GDF10: variants seen among roughly 807,000 people sequenced by gnomAD.
GDF10 encodes the protein growth/differentiation factor 10.
GDF10 carries 23 observed loss-of-function variants against 32.1 expected under a neutral mutation model. The ratio of observed to expected loss-of-function variants is 0.72; its 90% CI spans 0.52 to 1.02. The LOEUF (loss-of-function observed/expected upper bound fraction) is 1.02, where lower values mean the gene tolerates loss of function less well. Among genes scored for constraint, GDF10 ranks in the 50% least tolerant of loss-of-function variants. The pLI is 0.00. For missense variants in GDF10, 764 were observed against 673.9 expected (o/e 1.13, Z -1.48); for synonymous variants, 328 against 303.1 (o/e 1.08, Z -0.85).
At position 47,300,700 on chromosome 10, in the gene GDF10, C is replaced by CTGA; in HGVS notation, c.51_52insATG (p.Leu17_Leu18insMet). 5 of 1,595,356 alleles carry CTGA rather than the reference C, an allele frequency of 3.1e-6. No homozygotes were observed. The highest frequency in any genetic ancestry group is 4.3e-6 in the Non-Finnish European group (5 of 1,172,958). ...CAGCCCGGGACCCGGGCCCCAGCTG[C>CTGA]TGCTGCTGCTGCTGCCGTTGTTTCT... On this transcript the variant is annotated inframe_insertion, in exon 1 of 3. Coordinates refer to ENST00000580279, the MANE Select transcript of GDF10 (RefSeq NM_004962.5).
In GDF10 at chr10:47,312,541, T is replaced by C. The variant is rs556252309; in HGVS notation, c.1246-60T>C. ...ATGGCCTGGGACTGTGAGGATGGCA[T>C]GGGTGCGTGGGTGGGTGAGGGCGGA... On this transcript the variant is annotated intron_variant, in intron 2 of 2. Coordinates refer to ENST00000580279, the MANE Select transcript of GDF10 (RefSeq NM_004962.5). 40 of 1,055,472 alleles carry C rather than the reference T, an allele frequency of 3.8e-5. No individual in the cohort carries two copies. The African/African-American group carries it at 6.0e-4, about 16-fold the overall frequency. 65.4% of individuals were successfully genotyped at this position (1,055,472 alleles called of 1,614,324 possible). A position where few individuals can be genotyped will look rare whatever the true frequency, so the allele number is the denominator to read the frequency against.
intron 1 of GDF10, among the ~76,000 whole-genome samples, chr10:47,305,246 G>A (rs539598856): frequency 6.6e-6 from 1 of 152,316 alleles, no homozygotes; most frequent in South Asian, 2.1e-4. Flanking sequence ...GGCCATAACT[G>A]TTCTGAGCCC....
At chr10:47,300,994 C>G in intron 1 of GDF10, 24 bp downstream of exon 1, 2 of 1,396,804 alleles carry the variant, frequency 1.4e-6, no homozygotes, top group East Asian at 2.7e-5. Context: ...GCCCCAGGAC[C>G]CCTTCTCCTC....
chr10:47,310,594 C>T lies in GDF10; in HGVS notation c.1118C>T (p.Pro373Leu). 3.1e-6 allele frequency: 5 copies of T among 1,614,112 alleles called. No individual in the cohort carries two copies. The highest frequency in any genetic ancestry group is 4.2e-6 in the Non-Finnish European group (5 of 1,179,964). ...GCCCGGAGGAAGCAGTGGGATGAGCCGAGGGTGTGCTCCCGGAGGTACCTG... is the reference window on the plus strand; with the variant it reads ...GCCCGGAGGAAGCAGTGGGATGAGCTGAGGGTGTGCTCCCGGAGGTACCTG... ...QKARRKQWDE[P>L]RVCSRRYLKV... The change falls in exon 2 of 3, where the codon CCG becomes CTG. Residue 373 changes from proline (P) to leucine (L), a missense_variant. Physicochemically the swap from Pro to Leu is moderately conservative, Grantham distance 98. Transcript: ENST00000580279.
intron 2 of GDF10, among the ~76,000 whole-genome samples, chr10:47,310,955 G>A (rs1404936231): frequency 3.3e-5 from 5 of 152,212 alleles, no homozygotes; most frequent in Admixed American, 3.3e-4. Flanking sequence ...TGGCTTGGTT[G>A]AATTGGGACT....
intron 1 of GDF10, among the ~76,000 whole-genome samples, chr10:47,307,022 C>T (rs1408796216): frequency 1.3e-5 from 2 of 152,082 alleles, no homozygotes; most frequent in Non-Finnish European, 2.9e-5. Context: ...CCGGGGGCCT[C>T]GCTTGGACAG....
At chr10:47,311,088 A>G (rs1331619064) in intron 2 of GDF10, among the ~76,000 whole-genome samples, 4 of 152,208 alleles carry the variant, frequency 2.6e-5, no homozygotes, top group Non-Finnish European at 5.9e-5. Flanking sequence ...CAGGTCCCAG[A>G]AGCTCCCTCC....
rs782255447 is a variant in GDF10 at position 47,310,465 on chromosome 10, C to T, written c.989C>T (p.Ala330Val). ...KHQLWPSPFR[A>V]LKPRPGRKDR... ...CAGCTGTGGCCCAGCCCCTTCCGGG[C>T]GCTGAAACCCCGGCCAGGGCGCAAA... Residue 330 changes from alanine to valine, a missense_variant, in exon 2 of 3, where the codon GCG becomes GTG. By Grantham distance (64) the Ala-to-Val change is moderately conservative (BLOSUM62 0). Coordinates refer to ENST00000580279, the MANE Select transcript of GDF10 (RefSeq NM_004962.5). The T allele has an allele frequency of 2.5e-6, 4 of 1,613,510 alleles. No homozygotes were observed. Among genetic ancestry groups the T allele is most frequent in the Admixed American group, 1.7e-5 (1 of 60,000 alleles).
Position 47,300,219 on chromosome 10 carries a change from C to A in GDF10, c.-433C>A, listed in dbSNP as rs1377922544. On this transcript the variant is annotated 5_prime_UTR_variant, in exon 1 of 3. Coordinates refer to ENST00000580279, the MANE Select transcript of GDF10 (RefSeq NM_004962.5). The stretch of plus-strand genomic sequence containing the variant: ...GCCACACACGGGCGCACGCACACGG[C>A]AGCCGGGCCAGGGACGACCCTGTCA... Among the ~76,000 whole-genome samples the A allele has an allele frequency of 2.0e-5, 3 of 151,660 alleles. No individual in the cohort carries two copies. Among genetic ancestry groups the A allele is most frequent in the African/African-American group, 7.2e-5 (3 of 41,384 alleles).
rs527321921 is a variant in GDF10, at chr10:47,300,707, T to C, written c.56T>C (p.Leu19Pro). The C allele has an allele frequency of 1.2e-5, 19 of 1,596,746 alleles. No individual in the cohort carries two copies. The African/African-American group carries it at 2.4e-4, about 20-fold the overall frequency. Residue 19 changes from leucine (L) to proline (P), a missense_variant, in exon 1 of 3, where the codon CTG (leucine) becomes CCG (proline). By Grantham distance (98) the Leu-to-Pro change is moderately conservative (BLOSUM62 -3). Coordinates refer to ENST00000580279, the MANE Select transcript of GDF10 (RefSeq NM_004962.5). ...SPGPGPQLLL[L>P]LLPLFLLLLR... ...GGACCCGGGCCCCAGCTGCTGCTGC[T>C]GCTGCTGCCGTTGTTTCTGCTGTTG...
In GDF10 at chr10:47,300,621, G is replaced by A. The variant is rs75777661; in HGVS notation, c.-31G>A. ...GCCAGCGCTCGCCTTCCTCCTCCTGGACTTCGGCCCTTTGCCGCCCTCACC... is the reference window on the plus strand; with the variant it reads ...GCCAGCGCTCGCCTTCCTCCTCCTGAACTTCGGCCCTTTGCCGCCCTCACC... On this transcript the variant is annotated 5_prime_UTR_variant, in exon 1 of 3. Coordinates refer to ENST00000580279, the MANE Select transcript of GDF10 (RefSeq NM_004962.5). 1,459 of 1,555,806 alleles carry A rather than the reference G, an allele frequency of 9.4e-4. 2 individuals carry two copies. The highest frequency in any genetic ancestry group is 1.3e-3 in the South Asian group (106 of 83,962).
chr10:47,300,623 C>T lies in GDF10; in HGVS notation c.-29C>T, dbSNP rs955487285. 6.4e-6 allele frequency: 10 copies of T among 1,562,240 alleles called. No homozygotes were observed. In the African/African-American group the frequency reaches 1.1e-4, roughly 18 times the overall value. On this transcript the variant is annotated 5_prime_UTR_variant, in exon 1 of 3. Transcript: ENST00000580279. ...CAGCGCTCGCCTTCCTCCTCCTGGA[C>T]TTCGGCCCTTTGCCGCCCTCACCAC...
At chr10:47,307,583 C>A (rs1461336372) in intron 1 of GDF10, among the ~76,000 whole-genome samples, 1 of 152,174 alleles carries the variant, frequency 6.6e-6, no homozygotes, top group African/African-American at 2.4e-5. Flanking sequence ...CCCAGCAGTC[C>A]CCAGCAGGGA....
intron 1 of GDF10, among the ~76,000 whole-genome samples, chr10:47,309,134 G>A (rs1282120018): frequency 3.9e-5 from 6 of 152,174 alleles, no homozygotes; most frequent in African/African-American, 1.4e-4. Context: ...TCCTGATGCT[G>A]CTCTTTTCTT....
At position 47,309,877 on chromosome 10, in the gene GDF10, A is replaced by G; in HGVS notation, c.401A>G (p.His134Arg). ...DSEMILTATF[H>R]FYSEPPRWPR... ...GAAATGATCCTTACGGCCACTTTCCACTTCTACTCAGAGCCGCCTCGGTGG... is the reference window on the plus strand; with the variant it reads ...GAAATGATCCTTACGGCCACTTTCCGCTTCTACTCAGAGCCGCCTCGGTGG... The change falls in exon 2 of 3, where the codon CAC becomes CGC. Residue 134 changes from histidine (H) to arginine (R), a missense_variant. By Grantham distance (29) the His-to-Arg change is conservative. Coordinates refer to ENST00000580279, the MANE Select transcript of GDF10 (RefSeq NM_004962.5). 2 of 1,613,118 alleles carry G rather than the reference A, an allele frequency of 1.2e-6. No individual in the cohort carries two copies. The highest frequency in any genetic ancestry group is 1.7e-6 in the Non-Finnish European group (2 of 1,179,856).
intron 2 of GDF10, among the ~76,000 whole-genome samples, chr10:47,312,333 G>A (rs1029259038): frequency 3.9e-5 from 6 of 152,194 alleles, no homozygotes; most frequent in Admixed American, 3.9e-4. Flanking sequence ...GCCGTGTTGG[G>A]GACACAGCGT....
intron 1 of GDF10, among the ~76,000 whole-genome samples, chr10:47,308,386 G>A (rs1355051827): frequency 6.6e-6 from 1 of 152,124 alleles, no homozygotes; most frequent in Non-Finnish European, 1.5e-5. Context: ...ATAAGGTAAT[G>A]GCTTCAGTGC....
In GDF10 at chr10:47,309,860, C is replaced by T. The variant is rs2061036947; in HGVS notation, c.384C>T (p.Ile128=). The change falls in exon 2 of 3, where the codon ATC becomes ATT. Residue 128 remains isoleucine, a synonymous_variant. Transcript: ENST00000580279. ...CTTCCATGCAAGACTCGGAAATGAT[C>T]CTTACGGCCACTTTCCACTTCTACT... The part of the protein sequence containing the change: ...NLTSMQDSEM[I]LTATFHFYSE... The T allele has an allele frequency of 1.2e-6, 2 of 1,612,976 alleles. No homozygotes were observed. The highest frequency in any genetic ancestry group is 1.7e-6 in the Non-Finnish European group (2 of 1,179,828).
intron 1 of GDF10, among the ~76,000 whole-genome samples, chr10:47,307,372 C>T (rs1023193767): frequency 1.3e-5 from 2 of 152,188 alleles, no homozygotes; most frequent in African/African-American, 4.8e-5. Flanking sequence ...AGCACCAGCA[C>T]GCATCAGAGG....
Sources: gnomAD v4.1 joint callset for allele counts (sites outside exome capture counted in the v4.1 genomes callset) on GRCh38, gnomAD v4.1.1 for gene constraint, MANE v1.5 for transcripts, NCBI Gene and HGNC (gene_info 2026-07-23, HGNC 2026-07-21) for gene names.